SMC2: variants seen among roughly 807,000 people sequenced by gnomAD.
SMC2 encodes structural maintenance of chromosomes protein 2.
A neutral mutation model predicts 142.6 loss-of-function variants in SMC2; 41 were observed. The ratio of observed to expected loss-of-function variants is 0.29; its 90% CI spans 0.22 to 0.37. The LOEUF (loss-of-function observed/expected upper bound fraction) is 0.37. SMC2 is among the 10% of genes least tolerant of loss of function. SMC2 has a pLI of 1.00. For synonymous variants in SMC2, 463 were observed against 457.5 expected (o/e 1.01, Z -0.15); for missense variants, 1,265 against 1,373.7 (o/e 0.92, Z 1.25).
In SMC2 at chr9:104,122,967, A is replaced by C. The variant is rs374008654; in HGVS notation, c.2133-141A>C. On this transcript the variant is annotated intron_variant, in intron 16 of 24. Transcript: ENST00000374793. ...TGCCTCAGAAACTTGAAAGCCGTCA[A>C]AATTATTCCTGTAACCAGTAGCATC... 37 of 806,974 alleles carry C rather than the reference A, an allele frequency of 4.6e-5. No homozygotes were observed. The East Asian group carries it at 1.0e-3, about 22-fold the overall frequency. The allele number at this position is 806,974 out of a possible 1,614,324, so 50.0% of individuals were successfully genotyped here. A position where few individuals can be genotyped will look rare whatever the true frequency, so the allele number is the denominator to read the frequency against.
rs1467319232 is a variant in SMC2 at position 104,101,983 on chromosome 9, C to T, written c.660C>T (p.Tyr220=). ...LKEERSSYLE[Y]QKVMREIEHL... is the part of the protein sequence containing the mutation. ...AGGAAAGATCGTCCTACTTGGAGTA[C>T]CAAAAAGTAATGAGAGAAATAGAAC... The change falls in exon 8 of 25, where the codon TAC becomes TAT. Residue 220 remains tyrosine, a synonymous_variant. Coordinates refer to ENST00000374793, the MANE Select transcript of SMC2 (RefSeq NM_006444.3). 1.9e-6 allele frequency: 3 copies of T among 1,600,128 alleles called. No individual in the cohort carries two copies. The highest frequency in any genetic ancestry group is 1.3e-5 in the African/African-American group (1 of 74,194).
At chr9:104,101,885 T>C in intron 7 of SMC2, 75 bp from the exon 8 acceptor site, 1 of 841,692 alleles carries the variant, frequency 1.2e-6, no homozygotes, top group Non-Finnish European at 1.9e-6. Context: ...ATGAGAAATT[T>C]GTTTCATCTT....
intron 19 of SMC2, 123 bp downstream of exon 19, chr9:104,126,907 C>T: frequency 1.0e-6 from 1 of 993,128 alleles, no homozygotes; most frequent in Non-Finnish European, 1.4e-6. Context: ...GAATGAGGCA[C>T]AAATAGCTTT....
At chr9:104,116,140 A>ATTCT in intron 13 of SMC2, 60 bp from the exon 14 acceptor site, 1 of 1,486,500 alleles carries the variant, frequency 6.7e-7, no homozygotes, top group East Asian at 2.4e-5. Flanking sequence ...CTAAACTTGC[A>ATTCT]TTCTCTCAAT....
chr9:104,117,659 A>G (rs1833273867), intron 14 of SMC2, among the ~76,000 whole-genome samples: 1 of 152,106 alleles, frequency 6.6e-6, no homozygotes, highest in African/African-American at 2.4e-5. Context: ...TCTGGAAATT[A>G]TAGGTTAAGC....
intron 22 of SMC2, among the ~76,000 whole-genome samples, chr9:104,132,483 T>C (rs1287064948): frequency 6.6e-6 from 1 of 152,130 alleles, no homozygotes; most frequent in East Asian, 1.9e-4. Flanking sequence ...TGTATCTGTC[T>C]CCTATAGGAT....
rs1834142552 is a variant in SMC2 at position 104,125,295 on chromosome 9, A to AATACAAATTAGAAACTTTT, written c.2451+191_2451+209dup. On this transcript the variant is annotated intron_variant, in intron 18 of 24. Transcript: ENST00000374793. The stretch of plus-strand genomic sequence containing the variant: ...TCCAGGATGAGCATCTCAAATCCAA[A>AATACAAATTAGAAACTTTT]ATACAAATTAGAAACTTTTTGAGTG... Among the ~76,000 whole-genome samples the AATACAAATTAGAAACTTTT allele has an allele frequency of 8.5e-5, 13 of 152,250 alleles. No individual in the cohort carries two copies. The South Asian group carries it at 2.7e-3, about 32-fold the overall frequency.
intron 16 of SMC2, among the ~76,000 whole-genome samples, chr9:104,120,869 T>G (rs543999004): frequency 4.6e-5 from 7 of 152,176 alleles, no homozygotes; most frequent in Non-Finnish European, 1.0e-4. Flanking sequence ...GGGCTGGGGA[T>G]CAGATAAATA....
At chr9:104,111,314 AAATCTGC>A (rs1832416855) in intron 9 of SMC2, among the ~76,000 whole-genome samples, 1 of 152,210 alleles carries the variant, frequency 6.6e-6, no homozygotes, top group East Asian at 1.9e-4. Context: ...TGATTTGTTT[AAATCTGC>A]AATTATTATT....
At chr9:104,115,687 T>C (rs1038154540) in intron 13 of SMC2, among the ~76,000 whole-genome samples, 1 of 152,180 alleles carries the variant, frequency 6.6e-6, no homozygotes, top group Non-Finnish European at 1.5e-5. Context: ...TCACCTTCCA[T>C]AGTTACCTTT....
intron 16 of SMC2, among the ~76,000 whole-genome samples, chr9:104,121,471 TG>T (rs1180734000): frequency 1.3e-5 from 2 of 152,024 alleles, no homozygotes; most frequent in Non-Finnish European, 2.9e-5. Context: ...ACTCTCTCCT[TG>T]GGGACAGAGT....
intron 14 of SMC2, 53 bp from the exon 15 acceptor site, chr9:104,118,118 C>G (rs1230591005): frequency 1.4e-6 from 2 of 1,396,778 alleles, no homozygotes; most frequent in Non-Finnish European, 2.0e-6. Flanking sequence ...AAAATCATAT[C>G]TGAAAGGAAA....
rs1468685085 is a variant in SMC2, at chr9:104,095,481, T to C, written c.97T>C (p.Leu33=). ...CCCCCTCTTCAATGCTATCACTGGC[T>C]TAAATGGTAGTGGGAAATCCAACAT... ...FDPLFNAITG[L]NGSGKSNILD... Residue 33 remains leucine (L), a synonymous_variant, in exon 2 of 25, where the codon TTA becomes CTA. Coordinates refer to ENST00000374793, the MANE Select transcript of SMC2 (RefSeq NM_006444.3). 6.2e-7 allele frequency: 1 copy of C among 1,613,954 alleles called. No homozygotes were observed. Among genetic ancestry groups the C allele is most frequent in the Non-Finnish European group, 8.5e-7 (1 of 1,179,814 alleles).
intron 6 of SMC2, 42 bp from the exon 7 acceptor site, chr9:104,100,347 A>G: frequency 6.7e-7 from 1 of 1,483,610 alleles, no homozygotes; most frequent in Non-Finnish European, 9.3e-7. Flanking sequence ...AATTTTAATG[A>G]TACTTTACAT....
chr9:104,124,488 G>A (rs1029312022), intron 17 of SMC2, among the ~76,000 whole-genome samples: 8 of 152,024 alleles, frequency 5.3e-5, no homozygotes, highest in African/African-American at 1.2e-4. Flanking sequence ...CCCTGAATAT[G>A]TATAAAATAG....
intron 15 of SMC2, among the ~76,000 whole-genome samples, chr9:104,118,739 A>G (rs926328197): frequency 3.9e-5 from 6 of 152,160 alleles, no homozygotes; most frequent in African/African-American, 1.4e-4. Context: ...GCCACTAGCC[A>G]TATGTGACTT....
At chr9:104,132,840 G>GT (rs763551994) in intron 22 of SMC2, among the ~76,000 whole-genome samples, 7,776 of 144,112 alleles carry the variant, frequency 0.054, 632 homozygotes, top group African/African-American at 0.18. Context: ...GATCTGAGAG[G>GT]TTTTTTTTTT....
At chr9:104,108,435 G>A (rs556896419) in intron 9 of SMC2, among the ~76,000 whole-genome samples, 7 of 152,284 alleles carry the variant, frequency 4.6e-5, no homozygotes, top group Non-Finnish European at 8.8e-5. Context: ...CCTCTAGATA[G>A]TGAGCCTCCT....
chr9:104,130,867 A>G (rs1455590568), intron 21 of SMC2, among the ~76,000 whole-genome samples: 1 of 152,134 alleles, frequency 6.6e-6, no homozygotes, highest in Non-Finnish European at 1.5e-5. Context: ...ATCAACTCCC[A>G]TCTCTTTACC....
Sources: allele counts gnomAD v4.1 joint callset (sites outside exome capture counted in the v4.1 genomes callset), GRCh38; gene constraint gnomAD v4.1.1; transcripts MANE v1.5; gene names NCBI Gene and HGNC (gene_info 2026-07-23, HGNC 2026-07-21).